DCAF6: variants seen among roughly 807,000 people sequenced by gnomAD.
DCAF6 encodes the protein DDB1- and CUL4-associated factor 6.
A neutral mutation model predicts 125.1 loss-of-function variants in DCAF6; 54 were observed. The ratio of observed to expected loss-of-function variants is 0.43; its 90% CI spans 0.35 to 0.54. DCAF6 has a LOEUF of 0.54. Ranked by LOEUF, DCAF6 falls within the 20% of genes least tolerant of loss-of-function variation. DCAF6 has a pLI of 0.01. For missense variants in DCAF6, 934 were observed against 1,161.7 expected (o/e 0.80, Z 2.85); for synonymous variants, 371 against 390.4 (o/e 0.95, Z 0.58).
intron 10 of DCAF6, among the ~76,000 whole-genome samples, chr1:168,012,419 A>T (rs1447600261): frequency 6.6e-6 from 1 of 152,238 alleles, no homozygotes; most frequent in Non-Finnish European, 1.5e-5. Context: ...GTGGCAGTTT[A>T]TAATACCTTG....
At position 168,044,744 on chromosome 1, in the gene DCAF6, A is replaced by C. The variant is rs2101799606; in HGVS notation, c.1930+73A>C. Reference sequence around the variant, plus strand: ...CCTTAATCTATGTTAATCTCTCTATAGTTAGAGGCCATGTTCAAGTGTATT... The same window carrying C: ...CCTTAATCTATGTTAATCTCTCTATCGTTAGAGGCCATGTTCAAGTGTATT... On this transcript the variant is annotated intron_variant, in intron 15 of 21. Transcript: ENST00000367840. The C allele has an allele frequency of 2.1e-6, 3 of 1,425,072 alleles. No individual in the cohort carries two copies. In the East Asian group the frequency reaches 6.8e-5, roughly 32 times the overall value. 88.3% of individuals were successfully genotyped at this position (1,425,072 alleles called of 1,614,324 possible).
intron 12 of DCAF6, among the ~76,000 whole-genome samples, chr1:168,029,710 G>T (rs1028759302): frequency 6.6e-6 from 1 of 152,182 alleles, no homozygotes; most frequent in Admixed American, 6.5e-5. Flanking sequence ...GCCGGGCGTG[G>T]TGGCTCACGC....
Position 168,075,412 on chromosome 1 carries a change from A to G in DCAF6, c.2833A>G (p.Asn945Asp), listed in dbSNP as rs372173095. 1 of 1,601,782 alleles carries G rather than the reference A, an allele frequency of 6.2e-7. No individual in the cohort carries two copies. Among genetic ancestry groups the G allele is most frequent in the East Asian group, 2.3e-5 (1 of 44,192 alleles). ...CAGATCAGAAGGCTCTGGTCAAGAG[A>G]ATGAAAATGAGGATGAGGAATAATA... ...GDRSEGSGQENENEDEE is the reference protein window; with the variant it reads ...GDRSEGSGQEDENEDEE Residue 945 changes from asparagine (N) to aspartate (D), a missense_variant, in exon 22 of 22, where the codon AAT (asparagine) becomes GAT (aspartate). Physicochemically the swap from Asn to Asp is conservative, Grantham distance 23. Coordinates refer to ENST00000367840, the MANE Select transcript of DCAF6 (RefSeq NM_001198956.2).
At chr1:168,067,263 A>G (rs1403342985) in intron 20 of DCAF6, among the ~76,000 whole-genome samples, 1 of 152,214 alleles carries the variant, frequency 6.6e-6, no homozygotes, top group African/African-American at 2.4e-5. Flanking sequence ...CAGTTGATGT[A>G]TTGTATACAT....
the DCAF6 span, among the ~76,000 whole-genome samples, chr1:167,909,490 A>ATGGCTT: frequency 1.3e-5 from 2 of 152,216 alleles, no homozygotes; most frequent in African/African-American, 2.4e-5. Context: ...GCGGTCCAGG[A>ATGGCTT]TGGCTTTGAA....
chr1:167,870,226 T>C, the DCAF6 span: 3 of 1,613,268 alleles, frequency 1.9e-6, no homozygotes, highest in African/African-American at 4.0e-5. Context: ...TTCTATGGGT[T>C]CACACAGAAC....
At chr1:167,896,640 T>C in the DCAF6 span, 1 of 1,613,780 alleles carries the variant, frequency 6.2e-7, no homozygotes, top group Non-Finnish European at 8.5e-7. Context: ...GTCGTACACT[T>C]TGTGAAAAAT....
the DCAF6 span, among the ~76,000 whole-genome samples, chr1:167,866,571 T>G: frequency 9.4e-5 from 14 of 148,316 alleles, no homozygotes; most frequent in Admixed American, 4.0e-4. Context: ...ATACCAATTC[T>G]AAGTTAATTT....
At chr1:167,882,790 C>T in the DCAF6 span, among the ~76,000 whole-genome samples, 1 of 152,132 alleles carries the variant, frequency 6.6e-6, no homozygotes, top group Non-Finnish European at 1.5e-5. Flanking sequence ...TCCCAGCCTC[C>T]CCCTTACTAG....
intron 2 of DCAF6, among the ~76,000 whole-genome samples, chr1:167,963,516 C>T (rs988196491): frequency 5.3e-5 from 8 of 150,026 alleles, no homozygotes; most frequent in African/African-American, 2.0e-4. Flanking sequence ...TCTCAGCTCA[C>T]TGCTACCTCC....
At chr1:167,865,120 C>T in the DCAF6 span, among the ~76,000 whole-genome samples, 2 of 151,928 alleles carry the variant, frequency 1.3e-5, no homozygotes, top group Non-Finnish European at 2.9e-5. Context: ...AATAAGGCCT[C>T]CTGAGTACTA....
intron 4 of DCAF6, among the ~76,000 whole-genome samples, chr1:167,975,995 TTA>T (rs761756929): frequency 6.6e-6 from 1 of 152,198 alleles, no homozygotes; most frequent in African/African-American, 2.4e-5. Flanking sequence ...TTGTATGTAC[TTA>T]TATATATAGC....
chr1:167,914,644 TTTTC>T, the DCAF6 span, among the ~76,000 whole-genome samples: 8 of 152,074 alleles, frequency 5.3e-5, no homozygotes, highest in Non-Finnish European at 1.0e-4. Context: ...TGGATTTGAG[TTTTC>T]TTTATCTGAT....
chr1:167,921,853 A>G, the DCAF6 span, among the ~76,000 whole-genome samples: 376 of 152,340 alleles, frequency 2.5e-3, 4 homozygotes, highest in Non-Finnish European at 2.0e-3. Flanking sequence ...CTGATTGTCA[A>G]TGAATATATA....
At chr1:168,028,519 G>C (rs1375276541) in intron 12 of DCAF6, among the ~76,000 whole-genome samples, 1 of 152,084 alleles carries the variant, frequency 6.6e-6, no homozygotes, top group Non-Finnish European at 1.5e-5. Flanking sequence ...TTCTGTTATA[G>C]ATTTAAAGAA....
chr1:167,865,009 A>G, the DCAF6 span, among the ~76,000 whole-genome samples: 1 of 152,208 alleles, frequency 6.6e-6, no homozygotes, highest in African/African-American at 2.4e-5. Context: ...AATATTTGTA[A>G]TAAGTCAGAA....
chr1:167,926,111 T>C, the DCAF6 span, among the ~76,000 whole-genome samples: 4 of 152,254 alleles, frequency 2.6e-5, no homozygotes, highest in Non-Finnish European at 5.9e-5. Flanking sequence ...CAGCCCATTA[T>C]AATGTTAAAC....
chr1:168,054,819 G>GTTTT (rs370002372), intron 17 of DCAF6, among the ~76,000 whole-genome samples: 1 of 141,054 alleles, frequency 7.1e-6, no homozygotes, highest in Non-Finnish European at 1.5e-5. Context: ...TACGGGTTTG[G>GTTTT]TTTTTTTTTT....
chr1:168,071,873 T>C (rs1404288166), intron 21 of DCAF6, among the ~76,000 whole-genome samples: 1 of 152,200 alleles, frequency 6.6e-6, no homozygotes, highest in Non-Finnish European at 1.5e-5. Context: ...ATTTTAGCCA[T>C]ACTGGCCTCT....
Sources: gnomAD v4.1 joint callset for allele counts (sites outside exome capture counted in the v4.1 genomes callset) on GRCh38, gnomAD v4.1.1 for gene constraint, MANE v1.5 for transcripts, NCBI Gene and HGNC (gene_info 2026-07-23, HGNC 2026-07-21) for gene names.